FAT2: variants seen among roughly 807,000 people sequenced by gnomAD.
FAT2 encodes the protein protocadherin Fat 2.
FAT2 carries 150 observed loss-of-function variants against 295.3 expected under a neutral mutation model. The ratio of observed to expected loss-of-function variants is 0.51; its 90% CI spans 0.44 to 0.58. FAT2 has a LOEUF of 0.58. Among genes scored for constraint, FAT2 ranks in the 20% least tolerant of loss-of-function variants. The pLI is 0.00. For synonymous variants in FAT2, 2,026 were observed against 2,150.3 expected (o/e 0.94, Z 1.60); for missense variants, 4,868 against 5,442.7 (o/e 0.89, Z 3.32).
chr5:151,559,126 G>A (rs1757909344), intron 3 of FAT2, among the ~76,000 whole-genome samples: 1 of 152,228 alleles, frequency 6.6e-6, no homozygotes, highest in Non-Finnish European at 1.5e-5. Flanking sequence ...CTCAGCGAGG[G>A]GAACAGGGAT....
At chr5:151,579,897 T>C (rs1394621898) in intron 1 of FAT2, among the ~76,000 whole-genome samples, 1 of 152,138 alleles carries the variant, frequency 6.6e-6, no homozygotes, top group African/African-American at 2.4e-5. Context: ...TCATTCTTCT[T>C]ATGTTAAGCA....
chr5:151,557,844 T>G (rs575874829), intron 3 of FAT2, among the ~76,000 whole-genome samples: 1 of 152,182 alleles, frequency 6.6e-6, no homozygotes, highest in Non-Finnish European at 1.5e-5. Context: ...TCAGGGTCTT[T>G]GGGATTGGGA....
In FAT2 at chr5:151,556,349, G is replaced by C; in HGVS notation, c.3628C>G (p.Leu1210Val). ...GATTCACCACCATTACTTACCTCCA[G>C]GATGTGTTCATCCTTGTTCTCTCTG... ...LDRENKDEHI[L>V]EVTVLDNGEP... The change falls in exon 4 of 24, where the codon CTG (leucine) becomes GTG (valine). Residue 1210 changes from leucine (L) to valine (V), a missense_variant. Physicochemically the swap from Leu to Val is conservative, Grantham distance 32 (BLOSUM62 1). Around this residue, in one of 5 missense-constraint regions of FAT2, gnomAD observed 3,297 missense variants for 3,669.4 expected, o/e 0.90. Coordinates refer to ENST00000261800, the MANE Select transcript of FAT2 (RefSeq NM_001447.3). 6.2e-7 allele frequency: 1 copy of C among 1,613,604 alleles called. No individual in the cohort carries two copies. Among genetic ancestry groups the C allele is most frequent in the South Asian group, 1.1e-5 (1 of 91,054 alleles).
intron 5 of FAT2, 96 bp downstream of exon 5, chr5:151,554,266 T>C: frequency 8.7e-7 from 1 of 1,143,374 alleles, no homozygotes; most frequent in Non-Finnish European, 1.2e-6. Flanking sequence ...CCATTTCCCT[T>C]ATGCTGGTGG....
rs1756381132 is a variant in FAT2, at chr5:151,543,789, C to T, written c.7338G>A (p.Leu2446=). Reference sequence around the variant, plus strand: ...CTACCCTCAAATTGTAAGAAGAGTCCAGGTGCTTTTTGCAAAGGTTGAACA... The same window carrying T: ...CTACCCTCAAATTGTAAGAAGAGTCTAGGTGCTTTTTGCAAAGGTTGAACA... ...ISMFNLCKKH[L]DSSYNLRVGA... Residue 2446 remains leucine (L), a synonymous_variant, in exon 10 of 24, where the codon CTG becomes CTA. Transcript: ENST00000261800. 1.2e-6 allele frequency: 2 copies of T among 1,614,054 alleles called. No individual in the cohort carries two copies. The highest frequency in any genetic ancestry group is 3.3e-5 in the Admixed American group (2 of 60,002).
intron 4 of FAT2, 64 bp downstream of exon 4, chr5:151,556,280 C>T (rs750254095): frequency 9.8e-5 from 134 of 1,371,606 alleles, no homozygotes; most frequent in Non-Finnish European, 1.2e-4. Flanking sequence ...TAGACATGCA[C>T]GTGGCTCCAA....
rs1412719196 is a variant in FAT2, at chr5:151,550,790, C to T, written c.4378G>A (p.Asp1460Asn). Residue 1460 changes from aspartate to asparagine, a missense_variant, in exon 8 of 24, where the codon GAC becomes AAC. By Grantham distance (23) the Asp-to-Asn change is conservative (BLOSUM62 1). Around this residue, in one of 5 missense-constraint regions of FAT2, gnomAD observed 3,297 missense variants for 3,669.4 expected, o/e 0.90. Transcript: ENST00000261800. ...ETRYEVRVPQ[D>N]TVPGVELLRV... Reference sequence around the variant, plus strand: ...AGGAGCTCTACCCCTGGCACGGTGTCCTGGGGAACTCTGACTTCATAACGA... The same window carrying T: ...AGGAGCTCTACCCCTGGCACGGTGTTCTGGGGAACTCTGACTTCATAACGA... 3 of 1,614,026 alleles carry T rather than the reference C, an allele frequency of 1.9e-6. No individual in the cohort carries two copies. Among genetic ancestry groups the T allele is most frequent in the Non-Finnish European group, 2.5e-6 (3 of 1,180,002 alleles).
chr5:151,510,218 A>C (rs1382116553), intron 21 of FAT2, 44 bp from the exon 22 acceptor site: 4 of 1,600,246 alleles, frequency 2.5e-6, no homozygotes, highest in Admixed American at 3.4e-5. Context: ...CTGGCCTAGC[A>C]GTTAAAGGAG....
At chr5:151,536,223 A>G (rs1755264971) in intron 12 of FAT2, among the ~76,000 whole-genome samples, 2 of 30,400 alleles carry the variant, frequency 6.6e-5, no homozygotes, top group South Asian at 2.2e-3. Flanking sequence ...CATATTCAGA[A>G]AAAAAAACGC....
rs147122579 is a variant in FAT2, at chr5:151,551,567, G to A, written c.4196C>T (p.Thr1399Ile). 15 of 1,614,100 alleles carry A rather than the reference G, an allele frequency of 9.3e-6. No individual in the cohort carries two copies. In the African/African-American group the frequency reaches 1.6e-4, roughly 17 times the overall value. ...KDMDFDIEKT[T>I]GSIVIARPLD... Reference sequence around the variant, plus strand: ...AGGCCTGGCAATGACGATGCTGCCTGTGGTCTTCTCAATGTCAAAGTCCAT... The same window carrying A: ...AGGCCTGGCAATGACGATGCTGCCTATGGTCTTCTCAATGTCAAAGTCCAT... The change falls in exon 7 of 24, where the codon ACA becomes ATA. Residue 1399 changes from threonine (T) to isoleucine (I), a missense_variant. By Grantham distance (89) the Thr-to-Ile change is moderately conservative (BLOSUM62 -1). Coordinates refer to ENST00000261800, the MANE Select transcript of FAT2 (RefSeq NM_001447.3).
chr5:151,514,286 T>C (rs911499085), intron 20 of FAT2, among the ~76,000 whole-genome samples: 2 of 152,248 alleles, frequency 1.3e-5, no homozygotes, highest in African/African-American at 4.8e-5. Context: ...CATTTCTTTT[T>C]ATCTGTCTGG....
intron 17 of FAT2, among the ~76,000 whole-genome samples, chr5:151,526,335 G>A (rs1353145191): frequency 2.0e-5 from 3 of 152,192 alleles, no homozygotes; most frequent in East Asian, 3.8e-4. Context: ...GGAATGTTGC[G>A]ATTTGCAAAG....
rs1448403776 is a variant in FAT2 at position 151,545,590 on chromosome 5, C to T, written c.5537G>A (p.Gly1846Glu). The T allele has an allele frequency of 3.1e-6, 5 of 1,613,938 alleles. No homozygotes were observed. The highest frequency in any genetic ancestry group is 4.2e-6 in the Non-Finnish European group (5 of 1,179,970). ...TCTGGGTGCAAATAATACAGGGCTTCCTTGGTCATGGACATAGACACAGAA... is the reference window on the plus strand; with the variant it reads ...TCTGGGTGCAAATAATACAGGGCTTTCTTGGTCATGGACATAGACACAGAA... ...FQFCVYVHDQGSPVLFAPRPA... is the reference protein window; with the variant it reads ...FQFCVYVHDQESPVLFAPRPA... Residue 1846 changes from glycine to glutamate, a missense_variant, in exon 10 of 24, where the codon GGA becomes GAA. This residue lies in a region of FAT2 where 3,297 missense variants were observed against 3,669.4 expected (regional missense o/e 0.90). Transcript: ENST00000261800.
intron 8 of FAT2, among the ~76,000 whole-genome samples, chr5:151,549,706 C>T (rs1445860826): frequency 6.6e-6 from 1 of 152,066 alleles, no homozygotes; most frequent in African/African-American, 2.4e-5. Flanking sequence ...TTCCTAGGCT[C>T]AGCTGTTTTA....
At chr5:151,524,100 C>T (rs1464434760) in intron 18 of FAT2, among the ~76,000 whole-genome samples, 2 of 152,136 alleles carry the variant, frequency 1.3e-5, no homozygotes, top group East Asian at 3.9e-4. Context: ...TGGTCTCCCT[C>T]ACCCACTCTA....
rs772800453 is a variant in FAT2, at chr5:151,553,305, G to C, written c.4028C>G (p.Ser1343Cys). The change falls in exon 6 of 24, where the codon TCC becomes TGC. Residue 1343 changes from serine (S) to cysteine (C), a missense_variant. By Grantham distance (112) the Ser-to-Cys change is moderately radical (BLOSUM62 -1). Around this residue, in one of 5 missense-constraint regions of FAT2, gnomAD observed 3,297 missense variants for 3,669.4 expected, o/e 0.90. Coordinates refer to ENST00000261800, the MANE Select transcript of FAT2 (RefSeq NM_001447.3). ...HIEWIPWPRP[S>C]SIPLAFDETY... is the part of the protein sequence containing the mutation. ...CTCATCAAAGGCCAGAGGGATGGAGGACGGCCGGGGCCAAGGGATCCACTC... is the reference window on the plus strand; with the variant it reads ...CTCATCAAAGGCCAGAGGGATGGAGCACGGCCGGGGCCAAGGGATCCACTC... The C allele has an allele frequency of 6.2e-7, 1 of 1,614,272 alleles. No homozygotes were observed. The highest frequency in any genetic ancestry group is 1.1e-5 in the South Asian group (1 of 91,088).
In FAT2 at chr5:151,504,843, G is replaced by A. The variant is rs1163793686; in HGVS notation, c.*722C>T. 1 of 152,698 alleles carries A rather than the reference G, an allele frequency of 6.5e-6. No homozygotes were observed. Among genetic ancestry groups the A allele is most frequent in the Non-Finnish European group, 1.5e-5 (1 of 68,118 alleles). 9.5% of individuals were successfully genotyped at this position (152,698 alleles called of 1,614,324 possible). ...GGCAGGCCCTGACTGGCAGCCAGTG[G>A]TGTGACTCTGAGGTGGGCCCGTTCC... On this transcript the variant is annotated 3_prime_UTR_variant, in exon 24 of 24. Coordinates refer to ENST00000261800, the MANE Select transcript of FAT2 (RefSeq NM_001447.3).
intron 1 of FAT2, among the ~76,000 whole-genome samples, chr5:151,571,478 T>A (rs542625412): frequency 7.2e-5 from 11 of 152,328 alleles, no homozygotes; most frequent in African/African-American, 2.6e-4. Context: ...CTCTGCTCGA[T>A]GGCTGCACCG....
chr5:151,522,893 A>C (rs1445247150), intron 18 of FAT2, among the ~76,000 whole-genome samples: 1 of 152,222 alleles, frequency 6.6e-6, no homozygotes, highest in Non-Finnish European at 1.5e-5. Context: ...AGTTAATGTC[A>C]GAACTGTGAA....
Sources: gnomAD v4.1 joint callset for allele counts (sites outside exome capture counted in the v4.1 genomes callset) on GRCh38, gnomAD v4.1.1 for gene constraint, gnomAD v4.1.1 regional missense constraint, MANE v1.5 for transcripts, NCBI Gene and HGNC (gene_info 2026-07-23, HGNC 2026-07-21) for gene names.